The following ADAM23 variants were observed in gnomAD, a reference collection of about 807,000 sequenced individuals.
ADAM23 encodes the protein ADAM metallopeptidase domain 23.
A neutral mutation model predicts 120.1 loss-of-function variants in ADAM23; 33 were observed. The ratio of observed to expected loss-of-function variants is 0.27; its 90% CI spans 0.21 to 0.37. The LOEUF (loss-of-function observed/expected upper bound fraction) is 0.37, where lower values mean the gene tolerates loss of function less well. Ranked by LOEUF, ADAM23 falls within the 10% of genes least tolerant of loss-of-function variation. ADAM23 has a pLI of 1.00. For missense variants in ADAM23, 862 were observed against 1,058.2 expected (o/e 0.81, Z 2.57); for synonymous variants, 367 against 375.2 (o/e 0.98, Z 0.25).
At chr2:206,488,301 G>C (rs569319278) in intron 3 of ADAM23, among the ~76,000 whole-genome samples, 14 of 152,220 alleles carry the variant, frequency 9.2e-5, no homozygotes, top group Non-Finnish European at 1.8e-4. Context: ...GCCTGTGGTA[G>C]AGAAATGAGA....
chr2:206,464,153 A>G (rs1156541968), intron 2 of ADAM23, among the ~76,000 whole-genome samples: 1 of 152,214 alleles, frequency 6.6e-6, no homozygotes, highest in Non-Finnish European at 1.5e-5. Context: ...TTAAAAATCT[A>G]GTTCTTTTCA....
Position 206,589,513 on chromosome 2 carries a change from C to G in ADAM23, c.1957C>G (p.His653Asp), listed in dbSNP as rs776732787. ...AGACCGGTGGATTCAGTGCAGCAAA[C>G]AGTGAGTGGTCAGCTCTAAGGGCAT... The part of the protein sequence containing the change: ...DGDRWIQCSK[H>D]DVFCGFLLCT... Residue 653 changes from histidine (H) to aspartate (D), a missense_variant and splice_region_variant, in exon 21 of 26, where the codon CAT (histidine) becomes GAT (aspartate). By Grantham distance (81) the His-to-Asp change is moderately conservative (BLOSUM62 -1). Transcript: ENST00000264377. 3 of 1,612,636 alleles carry G rather than the reference C, an allele frequency of 1.9e-6. No individual in the cohort carries two copies. The Admixed American group carries it at 5.0e-5, about 27-fold the overall frequency.
At position 206,543,251 on chromosome 2, in the gene ADAM23, A is replaced by G. The variant is rs1697329886; in HGVS notation, c.657-2A>G. ...TCCTTTGTGTGGTTTCTTTTGTGCT[A>G]GTGGCATGTTTGAAGATGATACCTT... is the stretch of plus-strand genomic sequence containing the variant. On this transcript the variant is annotated splice_acceptor_variant, in intron 5 of 25. Coordinates refer to ENST00000264377, the MANE Select transcript of ADAM23 (RefSeq NM_003812.4). LOFTEE classifies it high-confidence loss of function. 1 of 1,613,736 alleles carries G rather than the reference A, an allele frequency of 6.2e-7. No homozygotes were observed. Among genetic ancestry groups the G allele is most frequent in the Non-Finnish European group, 8.5e-7 (1 of 1,179,790 alleles).
At chr2:206,529,484 G>C (rs776247067) in intron 3 of ADAM23, among the ~76,000 whole-genome samples, 1 of 151,878 alleles carries the variant, frequency 6.6e-6, no homozygotes, top group East Asian at 1.9e-4. Context: ...CTGCAGCCTC[G>C]ATCTTCTGGG....
At chr2:206,456,459 G>A (rs2105854830) in intron 2 of ADAM23, among the ~76,000 whole-genome samples, 1 of 152,222 alleles carries the variant, frequency 6.6e-6, no homozygotes, top group African/African-American at 2.4e-5. Flanking sequence ...GTGACTATGA[G>A]AGCAGGATGT....
Position 206,507,867 on chromosome 2 carries a change from G to A in ADAM23, c.510-23018G>A, listed in dbSNP as rs534884174. On this transcript the variant is annotated intron_variant, in intron 3 of 25. Transcript: ENST00000264377. ...CTTTATTTTAGCCCGTAAATTTATA[G>A]GCTGGTATTCAATGGTGATTATAGA... 3.9e-5 allele frequency among the ~76,000 whole-genome samples: 6 copies of A among 152,184 alleles called. No homozygotes were observed. The South Asian group carries it at 1.2e-3, about 32-fold the overall frequency.
At chr2:206,561,254 C>CT (rs569170300) in intron 12 of ADAM23, 42 bp downstream of exon 12, 3 of 1,544,116 alleles carry the variant, frequency 1.9e-6, no homozygotes, top group South Asian at 2.2e-5. Flanking sequence ...CATCTGTTCT[C>CT]TTTTTTCCCT....
At chr2:206,498,602 A>G (rs1696310649) in intron 3 of ADAM23, among the ~76,000 whole-genome samples, 1 of 152,246 alleles carries the variant, frequency 6.6e-6, no homozygotes, top group African/African-American at 2.4e-5. Flanking sequence ...CAAGGACTTC[A>G]TGTCTAAAAT....
intron 3 of ADAM23, among the ~76,000 whole-genome samples, chr2:206,526,920 C>T (rs1475182524): frequency 1.3e-5 from 2 of 152,198 alleles, no homozygotes; most frequent in African/African-American, 4.8e-5. Context: ...GGTGCAGATT[C>T]ACCATGAAGG....
chr2:206,565,514 G>T (rs945507085), intron 14 of ADAM23, among the ~76,000 whole-genome samples: 2 of 152,126 alleles, frequency 1.3e-5, no homozygotes, highest in Non-Finnish European at 2.9e-5. Context: ...TAAAAATTAA[G>T]ACAGACTTAT....
At chr2:206,454,141 T>A (rs1695248199) in intron 2 of ADAM23, among the ~76,000 whole-genome samples, 1 of 152,196 alleles carries the variant, frequency 6.6e-6, no homozygotes, top group Non-Finnish European at 1.5e-5. Context: ...TACCTGAGAC[T>A]GGGTAATTTA....
chr2:206,547,364 A>G, intron 6 of ADAM23, 65 bp from the exon 7 acceptor site: 1 of 1,369,504 alleles, frequency 7.3e-7, no homozygotes, highest in Non-Finnish European at 1.0e-6. Context: ...GAAAGTTCCA[A>G]CACTGTTTCA....
chr2:206,597,311 C>T (rs998898067), intron 24 of ADAM23, among the ~76,000 whole-genome samples: 2 of 150,628 alleles, frequency 1.3e-5, no homozygotes, highest in Non-Finnish European at 3.0e-5. Context: ...TCCTGAGTAG[C>T]TGGGATTACA....
intron 24 of ADAM23, among the ~76,000 whole-genome samples, chr2:206,604,973 C>T (rs977144450): frequency 2.0e-5 from 3 of 152,212 alleles, no homozygotes; most frequent in African/African-American, 7.2e-5. Context: ...AACAATGTGT[C>T]TTCCAACTTT....
At chr2:206,537,594 T>C (rs1386590457) in intron 4 of ADAM23, among the ~76,000 whole-genome samples, 2 of 152,172 alleles carry the variant, frequency 1.3e-5, no homozygotes, top group Non-Finnish European at 2.9e-5. Flanking sequence ...CTTTTAGTAA[T>C]ATTTTAATGA....
At chr2:206,483,513 T>C (rs1050333142) in intron 3 of ADAM23, among the ~76,000 whole-genome samples, 1 of 151,482 alleles carries the variant, frequency 6.6e-6, no homozygotes, top group East Asian at 1.9e-4. Context: ...GGAGGGTAGG[T>C]AGAGTAAGGA....
Position 206,617,760 on chromosome 2 carries a change from G to A in ADAM23, c.*133G>A, listed in dbSNP as rs1002119412. Reference sequence around the variant, plus strand: ...GTAATGACTACGGAGCTAAAGTTGGGGTGACAAGGATGGGGTAAAAGAAAA... The same window carrying A: ...GTAATGACTACGGAGCTAAAGTTGGAGTGACAAGGATGGGGTAAAAGAAAA... On this transcript the variant is annotated 3_prime_UTR_variant, in exon 26 of 26. Coordinates refer to ENST00000264377, the MANE Select transcript of ADAM23 (RefSeq NM_003812.4). 6 of 1,489,204 alleles carry A rather than the reference G, an allele frequency of 4.0e-6. No homozygotes were observed. The highest frequency in any genetic ancestry group is 4.5e-6 in the Non-Finnish European group (5 of 1,117,482). 92.2% of individuals were successfully genotyped at this position (1,489,204 alleles called of 1,614,324 possible). A position where few individuals can be genotyped will look rare whatever the true frequency, so the allele number is the denominator to read the frequency against.
chr2:206,557,348 A>C, intron 9 of ADAM23, 79 bp from the exon 10 acceptor site: 2 of 1,110,474 alleles, frequency 1.8e-6, no homozygotes, highest in Non-Finnish European at 1.4e-6. Context: ...TATTACTGAG[A>C]TATTTCTGCT....
At chr2:206,462,340 G>T (rs1228985747) in intron 2 of ADAM23, among the ~76,000 whole-genome samples, 2 of 152,080 alleles carry the variant, frequency 1.3e-5, no homozygotes, top group African/African-American at 4.8e-5. Context: ...CGCCCCAAAG[G>T]CTGTTACATT....
Sources: gnomAD v4.1 joint callset for allele counts (sites outside exome capture counted in the v4.1 genomes callset) on GRCh38, gnomAD v4.1.1 for gene constraint, MANE v1.5 for transcripts, NCBI Gene and HGNC (gene_info 2026-07-23, HGNC 2026-07-21) for gene names.